Variants in ZBED4 observed in about 807,000 individuals in gnomAD.
ZBED4 encodes the protein zinc finger BED domain-containing protein 4.
A neutral mutation model predicts 15.5 loss-of-function variants in ZBED4; 4 were observed. That is an observed-to-expected ratio of 0.26 (90% CI 0.13 to 0.59). The LOEUF (loss-of-function observed/expected upper bound fraction) is 0.59, where lower values mean the gene tolerates loss of function less well. Ranked by LOEUF, ZBED4 falls within the 20% of genes least tolerant of loss-of-function variation. The probability of loss-of-function intolerance (pLI) is 0.90; values close to 1 mark genes in which losing one functional copy is unlikely to be tolerated. For missense variants in ZBED4, 1,323 were observed against 1,461.8 expected (o/e 0.91, Z 1.55); for synonymous variants, 692 against 608.5 (o/e 1.14, Z -2.02).
intron 1 of ZBED4, among the ~76,000 whole-genome samples, chr22:49,862,669 C>T (rs917856317): frequency 1.4e-5 from 2 of 147,306 alleles, no homozygotes; most frequent in African/African-American, 5.1e-5. Flanking sequence ...AACTGAGTAC[C>T]TCTAAATATT....
chr22:49,874,668 C>T (rs1345780776), intron 1 of ZBED4, among the ~76,000 whole-genome samples: 1 of 44,814 alleles, frequency 2.2e-5, no homozygotes, highest in Non-Finnish European at 7.3e-5. Context: ...CCACCATGCC[C>T]AGCCTTTTTT....
In ZBED4 at chr22:49,857,813, A is replaced by G. The variant is rs554782723; in HGVS notation, c.-330+3824A>G. Among the ~76,000 whole-genome samples, 7 of 152,192 alleles carry G rather than the reference A, an allele frequency of 4.6e-5. No homozygotes were observed. The South Asian group carries it at 8.3e-4, about 18-fold the overall frequency. ...GCTCTGTCACCCAGGCTGGAGTGCAATGGCACAATCTCAGCTCCCTGCAAC... is the reference window on the plus strand; with the variant it reads ...GCTCTGTCACCCAGGCTGGAGTGCAGTGGCACAATCTCAGCTCCCTGCAAC... On this transcript the variant is annotated intron_variant, in intron 1 of 1. Transcript: ENST00000216268.
chr22:49,884,677 G>C lies in ZBED4; in HGVS notation c.1015G>C (p.Val339Leu). 2.5e-6 allele frequency: 4 copies of C among 1,608,020 alleles called. No homozygotes were observed. The highest frequency in any genetic ancestry group is 3.4e-6 in the Non-Finnish European group (4 of 1,176,538). ...CATGTGGAGGGCACACCGCGCCATC[G>C]TGTTGCAGGAGAACGGGGGCACGGG... ...RHMWRAHRAI[V>L]LQENGGTGIP... The change falls in exon 2 of 2, where the codon GTG becomes CTG. Residue 339 changes from valine (V) to leucine (L), a missense_variant. Physicochemically the swap from Val to Leu is conservative, Grantham distance 32. Coordinates refer to ENST00000216268, the MANE Select transcript of ZBED4 (RefSeq NM_014838.3).
intron 1 of ZBED4, among the ~76,000 whole-genome samples, chr22:49,866,618 G>C (rs1207033897): frequency 6.6e-6 from 1 of 152,120 alleles, no homozygotes; most frequent in Non-Finnish European, 1.5e-5. Flanking sequence ...GCAAGAGGAA[G>C]TTACCGTTTT....
chr22:49,877,419 G>A (rs900791663), intron 1 of ZBED4, among the ~76,000 whole-genome samples: 3 of 151,964 alleles, frequency 2.0e-5, no homozygotes, highest in Admixed American at 2.0e-4. Flanking sequence ...AGCCTCCCAA[G>A]TAGCTATTAT....
In ZBED4 at chr22:49,884,344, T is replaced by A; in HGVS notation, c.682T>A (p.Ser228Thr). 5 of 1,613,464 alleles carry A rather than the reference T, an allele frequency of 3.1e-6. No individual in the cohort carries two copies. Among genetic ancestry groups the A allele is most frequent in the Non-Finnish European group, 4.2e-6 (5 of 1,179,704 alleles). Reference sequence around the variant, plus strand: ...CGATCGAATAACAGAGGAGTCTGTGTCTGTAGTTTCTTCTGAAGAAATCTC... The same window carrying A: ...CGATCGAATAACAGAGGAGTCTGTGACTGTAGTTTCTTCTGAAGAAATCTC... ...SPDRITEESVSVVSSEEISSD... is the reference protein window; with the variant it reads ...SPDRITEESVTVVSSEEISSD... Residue 228 changes from serine to threonine, a missense_variant, in exon 2 of 2, where the codon TCT becomes ACT. Ser to Thr is a moderately conservative substitution (Grantham distance 58). This residue lies in a region of ZBED4 where 380 missense variants were observed against 413.7 expected (regional missense o/e 0.92). Coordinates refer to ENST00000216268, the MANE Select transcript of ZBED4 (RefSeq NM_014838.3).
In ZBED4 at chr22:49,884,065, A is replaced by G. The variant is rs1314176683; in HGVS notation, c.403A>G (p.Ile135Val). ...CTCTCCCCGAGACAGCACTAAAGCA[A>G]TATGCATGTACTGTGTGAAGGAGTT... ...FISPRDSTKA[I>V]CMYCVKEFSR... Residue 135 changes from isoleucine to valine, a missense_variant, in exon 2 of 2, where the codon ATA becomes GTA. By Grantham distance (29) the Ile-to-Val change is conservative. Around this residue, in one of 6 missense-constraint regions of ZBED4, gnomAD observed 380 missense variants for 413.7 expected, o/e 0.92. Transcript: ENST00000216268. The G allele has an allele frequency of 6.2e-7, 1 of 1,605,960 alleles. No individual in the cohort carries two copies. Among genetic ancestry groups the G allele is most frequent in the Non-Finnish European group, 8.5e-7 (1 of 1,177,010 alleles).
rs1569164075 is a variant in ZBED4, at chr22:49,883,591, C to T, written c.-72C>T. 5 of 1,453,410 alleles carry T rather than the reference C, an allele frequency of 3.4e-6. No homozygotes were observed. The South Asian group carries it at 6.6e-5, about 19-fold the overall frequency. The allele number at this position is 1,453,410 out of a possible 1,614,324, so 90.0% of individuals were successfully genotyped here. Reference sequence around the variant, plus strand: ...CGAAAAAGTGAAGATAATCTACATTCGGGGGCACAAATGAGCACTTGGATC... The same window carrying T: ...CGAAAAAGTGAAGATAATCTACATTTGGGGGCACAAATGAGCACTTGGATC... On this transcript the variant is annotated 5_prime_UTR_variant, in exon 2 of 2. Transcript: ENST00000216268.
intron 1 of ZBED4, among the ~76,000 whole-genome samples, chr22:49,858,231 T>A (rs912153211): frequency 6.6e-6 from 1 of 152,228 alleles, no homozygotes; most frequent in Admixed American, 6.5e-5. Context: ...GACCTGGATG[T>A]TGGCTTCTGT....
chr22:49,859,468 AATGC>A (rs2060288102), intron 1 of ZBED4, among the ~76,000 whole-genome samples: 1 of 152,052 alleles, frequency 6.6e-6, no homozygotes, highest in Non-Finnish European at 1.5e-5. Context: ...TGGTCCTGGG[AATGC>A]ATCCTTTCTG....
rs1402875840 is a variant in ZBED4 at position 49,883,960 on chromosome 22, G to C, written c.298G>C (p.Glu100Gln). Residue 100 changes from glutamate (E) to glutamine (Q), a missense_variant, in exon 2 of 2, where the codon GAG (glutamate) becomes CAG (glutamine). By Grantham distance (29) the Glu-to-Gln change is conservative (BLOSUM62 2). Transcript: ENST00000216268. ...YSSTLYDVAM[E>Q]AVTQSLLSSR... ...CAGCACCCTATACGACGTGGCCATG[G>C]AGGCCGTGACCCAGAGCCTCCTTTC... 2 of 1,613,726 alleles carry C rather than the reference G, an allele frequency of 1.2e-6. No homozygotes were observed. The highest frequency in any genetic ancestry group is 1.7e-6 in the Non-Finnish European group (2 of 1,179,874).
At position 49,886,200 on chromosome 22, in the gene ZBED4, G is replaced by A. The variant is rs755591229; in HGVS notation, c.2538G>A (p.Val846=). 2 of 772,762 alleles carry A rather than the reference G, an allele frequency of 2.6e-6. No homozygotes were observed. The highest frequency in any genetic ancestry group is 3.4e-5 in the African/African-American group (2 of 58,092). 47.9% of individuals were successfully genotyped at this position (772,762 alleles called of 1,614,324 possible). The stretch of plus-strand genomic sequence containing the variant: ...AGGCCATTAAGAGCCAGCGGATGGT[G>A]CAGAACCTGCTGAGCCTCGCCCGGA... ...VSEAIKSQRM[V]QNLLSLARKI... Residue 846 remains valine (V), a synonymous_variant, in exon 2 of 2, where the codon GTG becomes GTA. Coordinates refer to ENST00000216268, the MANE Select transcript of ZBED4 (RefSeq NM_014838.3). The surrounding 1 kb of genome is among the most constrained non-coding windows in gnomAD (Gnocchi z 7.7).
chr22:49,876,576 C>CT (rs1354906243), intron 1 of ZBED4, among the ~76,000 whole-genome samples: 1 of 152,110 alleles, frequency 6.6e-6, no homozygotes, highest in Admixed American at 6.5e-5. Flanking sequence ...AATGTCGCCA[C>CT]TCCAGCTTTC....
intron 1 of ZBED4, among the ~76,000 whole-genome samples, chr22:49,878,746 G>A (rs1248598971): frequency 6.6e-6 from 1 of 152,098 alleles, no homozygotes; most frequent in Admixed American, 6.5e-5. Flanking sequence ...AAATACACTA[G>A]TAAAAGAATT....
chr22:49,860,398 C>T (rs1017789178), intron 1 of ZBED4, among the ~76,000 whole-genome samples: 1 of 152,114 alleles, frequency 6.6e-6, no homozygotes, highest in Non-Finnish European at 1.5e-5. Context: ...TTAATAATAT[C>T]ATTGGCCTTG....
intron 1 of ZBED4, among the ~76,000 whole-genome samples, chr22:49,861,637 A>G (rs188289165): frequency 9.2e-5 from 14 of 152,054 alleles, no homozygotes; most frequent in African/African-American, 2.9e-4. Context: ...GAGTCTCACT[A>G]TGTTACCCAG....
chr22:49,868,052 C>A (rs772475335), intron 1 of ZBED4, among the ~76,000 whole-genome samples: 1 of 152,202 alleles, frequency 6.6e-6, no homozygotes, highest in Admixed American at 6.5e-5. Context: ...TTCACACCAT[C>A]GTAAAGTTGC....
chr22:49,864,820 CAA>C (rs71196384), intron 1 of ZBED4, among the ~76,000 whole-genome samples: 4 of 66,986 alleles, frequency 6.0e-5, no homozygotes, highest in South Asian at 6.8e-4. Context: ...ACCCTGTCTC[CAA>C]AAAAAAAAAA....
At chr22:49,872,637 C>G (rs1008495059) in intron 1 of ZBED4, among the ~76,000 whole-genome samples, 8 of 152,160 alleles carry the variant, frequency 5.3e-5, no homozygotes, top group Non-Finnish European at 1.2e-4. Context: ...TCAAGCGAAC[C>G]TCCCGTCTCA....
Sources: allele counts gnomAD v4.1 joint callset (sites outside exome capture counted in the v4.1 genomes callset), GRCh38; gene constraint gnomAD v4.1.1; regional missense constraint gnomAD v4.1.1; non-coding constraint Gnocchi (gnomAD v3.1); transcripts MANE v1.5; gene names NCBI Gene and HGNC (gene_info 2026-07-23, HGNC 2026-07-21).